The following MAMSTR variants were observed in gnomAD, a reference collection of about 807,000 sequenced individuals.
MAMSTR encodes MEF2 activating motif and SAP domain containing transcriptional regulator.
Under a neutral mutation model 42.7 loss-of-function variants are expected in MAMSTR, and 41 were observed. That is an observed-to-expected ratio of 0.96 (90% CI 0.75 to 1.25). The LOEUF is 1.25. MAMSTR is among the 50% of genes most tolerant of loss of function. MAMSTR has a pLI of 0.00. For missense variants in MAMSTR, 567 were observed against 557.6 expected, an observed-to-expected ratio of 1.02 and a Z score of -0.17; for synonymous variants, 265 against 244.1, an observed-to-expected ratio of 1.09 and a Z score of -0.80.
chr19:48,707,883 G>GAAAGAAAGAAAGAAAGA (rs1555755213), downstream of MAMSTR, among the ~76,000 whole-genome samples: 3 of 106,108 alleles, frequency 2.8e-5, no homozygotes, highest in South Asian at 5.4e-4. Flanking sequence ...AAGAAAGAAA[G>GAAAGAAAGAAAGAAAGA]AAAGAAAAGA....
rs2032904836 is a variant in MAMSTR, at chr19:48,714,491, C to G, written c.598G>C (p.Glu200Gln). The G allele has an allele frequency of 7.0e-7, 1 of 1,423,404 alleles. No individual in the cohort carries two copies. Among genetic ancestry groups the G allele is most frequent in the Non-Finnish European group, 9.1e-7 (1 of 1,102,358 alleles). 88.2% of individuals were successfully genotyped at this position (1,423,404 alleles called of 1,614,324 possible). A position where few individuals can be genotyped will look rare whatever the true frequency, so the allele number is the denominator to read the frequency against. Reference protein sequence around the residue: ...PVSGTKSMLLERMRGGAPPRE... With the variant: ...PVSGTKSMLLQRMRGGAPPRE... ...GGCGGCGCGCCGCCGCGCATGCGCT[C>G]CAGGAGCATAGACTTGGTCCCCGAC... The change falls in exon 7 of 10, where the codon GAG becomes CAG. Residue 200 changes from glutamate (E) to glutamine (Q), a missense_variant. Transcript: ENST00000318083.
At position 48,719,070 on chromosome 19, in the gene MAMSTR, A is replaced by G. The variant is rs2033159280; in HGVS notation, c.-21-18T>C. ...ATGGGGACCTGGACGGAGAGGGGGCAGGGCAGGGGCCCCATAGAGGGCTGG... is the reference window on the plus strand; with the variant it reads ...ATGGGGACCTGGACGGAGAGGGGGCGGGGCAGGGGCCCCATAGAGGGCTGG... On this transcript the variant is annotated intron_variant, in intron 1 of 9. Transcript: ENST00000318083. This position sits in a 1 kb window ranked among gnomAD's most constrained non-coding sequence, Gnocchi z 4.4. 2 of 1,540,904 alleles carry G rather than the reference A, an allele frequency of 1.3e-6. No individual in the cohort carries two copies. Among genetic ancestry groups the G allele is most frequent in the Middle Eastern group, 1.7e-4 (1 of 5,970 alleles).
At chr19:48,707,874 A>AGAAAGAAAGAAG (rs1191349280), downstream of MAMSTR, among the ~76,000 whole-genome samples, 16 of 115,998 alleles carry the variant, frequency 1.4e-4, no homozygotes, top group African/African-American at 5.6e-4. Flanking sequence ...AAAGAAAGAA[A>AGAAAGAAAGAAG]GAAAGAAAGA....
chr19:48,714,100 C>T (rs2032865832), intron 7 of MAMSTR, 55 bp from the exon 8 acceptor site: 1 of 1,492,238 alleles, frequency 6.7e-7, no homozygotes, highest in African/African-American at 1.4e-5. Context: ...GGCGCAACCC[C>T]ACCCACTCGC....
rs2032826777 is a variant in MAMSTR, at chr19:48,713,651, C to T, written c.964+65G>A. 4 of 1,610,078 alleles carry T rather than the reference C, an allele frequency of 2.5e-6. No homozygotes were observed. In the African/African-American group the frequency reaches 5.3e-5, roughly 21 times the overall value. On this transcript the variant is annotated intron_variant, in intron 9 of 9. Coordinates refer to ENST00000318083, the MANE Select transcript of MAMSTR (RefSeq NM_001130915.2). The stretch of plus-strand genomic sequence containing the variant: ...GATCCAGCTCCCCAGCTCACGCCTC[C>T]CTTGGACGCAGGAGTCCAGAACCTC...
At chr19:48,715,860 C>T (rs766494000) in intron 3 of MAMSTR, 93 bp from the exon 4 acceptor site, 2 of 1,480,812 alleles carry the variant, frequency 1.4e-6, no homozygotes, top group South Asian at 1.4e-5. Flanking sequence ...TCCAGGGTGC[C>T]GGAGGGCAGG....
At chr19:48,714,246 T>C in intron 7 of MAMSTR, 120 bp downstream of exon 7, 1 of 1,037,078 alleles carries the variant, frequency 9.6e-7, no homozygotes, top group South Asian at 2.3e-5. Context: ...CCCCTCGCCT[T>C]CAAGGCTTCC....
intron 5 of MAMSTR, 42 bp from the exon 6 acceptor site, chr19:48,714,950 GA>G: frequency 7.3e-7 from 1 of 1,379,184 alleles, no homozygotes; most frequent in Non-Finnish European, 1.0e-6. Context: ...TAGAGAGGTA[GA>G]GGGGGAAAAG....
the MAMSTR span, among the ~76,000 whole-genome samples, chr19:48,706,390 C>T: frequency 9.2e-5 from 14 of 151,912 alleles, no homozygotes; most frequent in Non-Finnish European, 1.6e-4. Flanking sequence ...GTAATCCCAG[C>T]ACTTTGGGAA....
chr19:48,710,950 G>T (rs908893735), downstream of MAMSTR, among the ~76,000 whole-genome samples: 1 of 152,146 alleles, frequency 6.6e-6, no homozygotes, highest in Admixed American at 6.5e-5. Flanking sequence ...TCCCAGGACT[G>T]CCCTTGGGCT....
At position 48,714,358 on chromosome 19, in the gene MAMSTR, G is replaced by A. The variant is rs1223908266; in HGVS notation, c.723+8C>T. On this transcript the variant is annotated splice_region_variant and intron_variant, in intron 7 of 9. Transcript: ENST00000318083. ...CATTGGTCCGCAAGCTCATAGCCCC[G>A]CCCTCACCGAGCCCTGACGCCGGGC... 7.3e-7 allele frequency: 1 copy of A among 1,366,368 alleles called. No individual in the cohort carries two copies. The highest frequency in any genetic ancestry group is 1.5e-5 in the African/African-American group (1 of 65,506). 84.6% of individuals were successfully genotyped at this position (1,366,368 alleles called of 1,614,324 possible).
chr19:48,712,088 T>C (rs1300999113), downstream of MAMSTR, among the ~76,000 whole-genome samples: 2 of 152,264 alleles, frequency 1.3e-5, no homozygotes, highest in East Asian at 3.9e-4. Context: ...GAGATGGGTT[T>C]CACCATGTTG....
chr19:48,714,379 CGGG>C lies in MAMSTR; in HGVS notation c.707_709del (p.Ala236_Arg237delinsGly). ...CCCCGCCCTCACCGAGCCCTGACGC[CGGG>C]CGGCTGCCAGGGCCTTGGGCTTGAG... On this transcript the variant is annotated inframe_deletion, in exon 7 of 10. Transcript: ENST00000318083. The C allele has an allele frequency of 7.3e-7, 1 of 1,364,232 alleles. No homozygotes were observed. The highest frequency in any genetic ancestry group is 9.4e-7 in the Non-Finnish European group (1 of 1,065,670). The allele number at this position is 1,364,232 out of a possible 1,614,324, so 84.5% of individuals were successfully genotyped here.
chr19:48,714,954 G>T, intron 5 of MAMSTR, 46 bp from the exon 6 acceptor site: 1 of 1,280,260 alleles, frequency 7.8e-7, no homozygotes, highest in Non-Finnish European at 1.1e-6. Flanking sequence ...GAGGTAGAGG[G>T]GGAAAAGGCG....
At chr19:48,706,482 A>G in the MAMSTR span, among the ~76,000 whole-genome samples, 1 of 151,846 alleles carries the variant, frequency 6.6e-6, no homozygotes, top group African/African-American at 2.4e-5. Flanking sequence ...TACTAAAAAT[A>G]CAAAATTAGC....
At chr19:48,707,119 A>T in the MAMSTR span, among the ~76,000 whole-genome samples, 1 of 150,166 alleles carries the variant, frequency 6.7e-6, no homozygotes, top group African/African-American at 2.5e-5. Flanking sequence ...CAAAATTTTT[A>T]AAAATCGAAA....
rs2032983792 is a variant in MAMSTR, at chr19:48,715,651, A to G, written c.214T>C (p.Cys72Arg). 1.3e-6 allele frequency: 2 copies of G among 1,543,976 alleles called. No individual in the cohort carries two copies. The highest frequency in any genetic ancestry group is 4.9e-5 in the East Asian group (2 of 40,512). The change falls in exon 4 of 10, where the codon TGT becomes CGT. Residue 72 changes from cysteine to arginine, a missense_variant. By Grantham distance (180) the Cys-to-Arg change is radical. Coordinates refer to ENST00000318083, the MANE Select transcript of MAMSTR (RefSeq NM_001130915.2). ...PGVLLPEPEY[C>R]PPWRSPKKES... ...TTCTTTGGGGACCTCCAAGGAGGACAATATTCTGGCTCGGGGAGCAGGACC... is the reference window on the plus strand; with the variant it reads ...TTCTTTGGGGACCTCCAAGGAGGACGATATTCTGGCTCGGGGAGCAGGACC...
downstream of MAMSTR, among the ~76,000 whole-genome samples, chr19:48,710,451 T>G (rs2032705838): frequency 6.8e-6 from 1 of 146,874 alleles, no homozygotes; most frequent in South Asian, 2.2e-4. Context: ...ACACAGGATC[T>G]TGATCTGTTG....
chr19:48,715,286 G>T lies in MAMSTR; in HGVS notation c.401C>A (p.Thr134Lys), dbSNP rs761455846. 6.3e-7 allele frequency: 1 copy of T among 1,593,924 alleles called. No individual in the cohort carries two copies. The highest frequency in any genetic ancestry group is 8.5e-7 in the Non-Finnish European group (1 of 1,171,464). The part of the protein sequence containing the change: ...GPPGPSLWEG[T>K]DSQQPHPRMK... ...CCTAGGATGTGGCTGCTGCGAGTCT[G>T]TCCCTTCCCACAGAGATGGCCCAGG... The change falls in exon 5 of 10, where the codon ACA becomes AAA. Residue 134 changes from threonine (T) to lysine (K), a missense_variant. By Grantham distance (78) the Thr-to-Lys change is moderately conservative (BLOSUM62 -1). Coordinates refer to ENST00000318083, the MANE Select transcript of MAMSTR (RefSeq NM_001130915.2).
Sources: allele counts gnomAD v4.1 joint callset (sites outside exome capture counted in the v4.1 genomes callset), GRCh38; gene constraint gnomAD v4.1.1; non-coding constraint Gnocchi (gnomAD v3.1); transcripts MANE v1.5; gene names NCBI Gene and HGNC (gene_info 2026-07-23, HGNC 2026-07-21).